PRR12: variants seen among roughly 807,000 people sequenced by gnomAD.
The protein encoded by PRR12 is proline rich 12.
A neutral mutation model predicts 138.0 loss-of-function variants in PRR12; 12 were observed. The ratio of observed to expected loss-of-function variants is 0.09; its 90% confidence interval spans 0.06 to 0.14. The LOEUF (loss-of-function observed/expected upper bound fraction) is 0.14, where lower values mean the gene tolerates loss of function less well. Ranked by LOEUF, PRR12 falls within the 10% of genes least tolerant of loss-of-function variation. PRR12 has a pLI of 1.00. For missense variants in PRR12, 2,692 were observed against 2,861.3 expected (o/e 0.94, Z 1.35); for synonymous variants, 1,567 against 1,291.7 (o/e 1.21, Z -4.57).
At chr19:49,619,701 C>T (rs1250125357) in intron 9 of PRR12, among the ~76,000 whole-genome samples, 4 of 150,142 alleles carry the variant, frequency 2.7e-5, no homozygotes, top group Non-Finnish European at 5.9e-5. Context: ...ACCACCATGC[C>T]CGGCTAATTT....
Position 49,625,722 on chromosome 19 carries a change from C to A in PRR12, c.*115C>A. 2 of 1,375,350 alleles carry A rather than the reference C, an allele frequency of 1.5e-6. No individual in the cohort carries two copies. Among genetic ancestry groups the A allele is most frequent in the African/African-American group, 1.4e-5 (1 of 69,190 alleles). 85.2% of individuals were successfully genotyped at this position (1,375,350 alleles called of 1,614,324 possible). A position where few individuals can be genotyped will look rare whatever the true frequency, so the allele number is the denominator to read the frequency against. On this transcript the variant is annotated 3_prime_UTR_variant, in exon 14 of 14. Transcript: ENST00000418929. The surrounding 1 kb of genome is among the most constrained non-coding windows in gnomAD (Gnocchi z 5.5). ...TCGCCGGGGAAAGGGGGTCATGGGTCAGGGTGTGTCTGTGCTGCCCCCTCC... is the reference window on the plus strand; with the variant it reads ...TCGCCGGGGAAAGGGGGTCATGGGTAAGGGTGTGTCTGTGCTGCCCCCTCC...
intron 4 of PRR12, among the ~76,000 whole-genome samples, chr19:49,598,412 G>A (rs1011680816): frequency 5.3e-5 from 8 of 152,080 alleles, no homozygotes; most frequent in Non-Finnish European, 1.0e-4. Flanking sequence ...GTTTATGGCC[G>A]CACCTTGGCA....
chr19:49,594,678 C>A lies in PRR12; in HGVS notation c.362-19C>A. 3 of 1,610,990 alleles carry A rather than the reference C, an allele frequency of 1.9e-6. No individual in the cohort carries two copies. Among genetic ancestry groups the A allele is most frequent in the African/African-American group, 1.3e-5 (1 of 75,006 alleles). On this transcript the variant is annotated intron_variant, in intron 3 of 13. Transcript: ENST00000418929. The surrounding 1 kb of genome is among the most constrained non-coding windows in gnomAD (Gnocchi z 5.6). ...CTGGCTCGCTGTTCTCTCTGACGCG[C>A]GGTCTTCCTCATCTCCAGCCATGCA...
At chr19:49,612,505 T>G (rs76274816) in intron 6 of PRR12, among the ~76,000 whole-genome samples, 2,715 of 151,998 alleles carry the variant, frequency 0.018, 83 homozygotes, top group African/African-American at 0.061. Context: ...AGTGGTTTGA[T>G]GGAAGGTACC....
At chr19:49,622,831 G>GC (rs2080930518) in intron 11 of PRR12, among the ~76,000 whole-genome samples, 1 of 148,832 alleles carries the variant, frequency 6.7e-6, no homozygotes, top group South Asian at 2.1e-4. Context: ...GGCGGAGCTT[G>GC]CAGTGAGGCG....
Position 49,614,610 on chromosome 19 carries a change from G to C in PRR12, c.4851G>C (p.Glu1617Asp). The change falls in exon 7 of 14, where the codon GAG (glutamate) becomes GAC (aspartate). Residue 1617 changes from glutamate to aspartate, a missense_variant. Physicochemically the swap from Glu to Asp is conservative, Grantham distance 45. This residue lies in a region of PRR12 where 92 missense variants were observed against 174.1 expected (regional missense o/e 0.53). Coordinates refer to ENST00000418929, the MANE Select transcript of PRR12 (RefSeq NM_020719.3). The surrounding 1 kb of genome is among the most constrained non-coding windows in gnomAD (Gnocchi z 5.0). ...QKALLQKFTP[E>D]IKDGQRQFCA... Reference sequence around the variant, plus strand: ...CCCTTCTGCAGAAATTCACTCCGGAGATCAAGGACGGCCAGAGGCAGTTTT... The same window carrying C: ...CCCTTCTGCAGAAATTCACTCCGGACATCAAGGACGGCCAGAGGCAGTTTT... The C allele has an allele frequency of 2.6e-6, 4 of 1,564,986 alleles. No homozygotes were observed. The highest frequency in any genetic ancestry group is 3.5e-6 in the Non-Finnish European group (4 of 1,154,924).
chr19:49,591,683 T>G lies in PRR12; in HGVS notation c.29T>G (p.Phe10Cys). Residue 10 changes from phenylalanine (F) to cysteine (C), a missense_variant, in exon 1 of 14, where the codon TTC (phenylalanine) becomes TGC (cysteine). By Grantham distance (205) the Phe-to-Cys change is radical. This residue lies in a region of PRR12 where 211 missense variants were observed against 266.3 expected (regional missense o/e 0.79). Coordinates refer to ENST00000418929, the MANE Select transcript of PRR12 (RefSeq NM_020719.3). Reference sequence around the variant, plus strand: ...GACAGGAACTACCCCAGCGCCGGCTTCGGGGACCCGCTCGGCGCCGGGGCG... The same window carrying G: ...GACAGGAACTACCCCAGCGCCGGCTGCGGGGACCCGCTCGGCGCCGGGGCG... MDRNYPSAG[F>C]GDPLGAGAGW... 1 of 1,287,586 alleles carries G rather than the reference T, an allele frequency of 7.8e-7. No homozygotes were observed. Among genetic ancestry groups the G allele is most frequent in the Non-Finnish European group, 1.0e-6 (1 of 993,722 alleles). 79.8% of individuals were successfully genotyped at this position (1,287,586 alleles called of 1,614,324 possible).
intron 9 of PRR12, among the ~76,000 whole-genome samples, chr19:49,617,211 G>T (rs568482906): frequency 5.9e-5 from 9 of 152,196 alleles, no homozygotes; most frequent in African/African-American, 2.2e-4. Flanking sequence ...TACAGTAAGG[G>T]TAACAGCTGA....
chr19:49,607,656 C>T (rs1301591261), intron 6 of PRR12, among the ~76,000 whole-genome samples: 2 of 150,558 alleles, frequency 1.3e-5, no homozygotes, highest in Non-Finnish European at 3.0e-5. Context: ...TGCAGTGAGC[C>T]GAGATCGTAG....
At position 49,624,999 on chromosome 19, in the gene PRR12, TG is replaced by T. The variant is rs1296734896; in HGVS notation, c.5868+13del. ...GCGTGGTCAGAGCCCAGGTGGGCAC[TG>T]GGGCTGGGGCTGGGAGTGGGGAGTG... On this transcript the variant is annotated intron_variant, in intron 12 of 13. Transcript: ENST00000418929. The T allele has an allele frequency of 1.2e-6, 2 of 1,603,356 alleles. No homozygotes were observed.
In PRR12 at chr19:49,594,565, C is replaced by T. The variant is rs1180490292; in HGVS notation, c.311C>T (p.Pro104Leu). ...GAATCCCGGGGCCCCCAGCCTGGCC[C>T]CTCCGCCTCCTCTCTCCTCTCCCAG... ...ALESRGPQPG[P>L]SASSLLSQFR... Residue 104 changes from proline to leucine, a missense_variant, in exon 3 of 14, where the codon CCC becomes CTC. Pro to Leu is a moderately conservative substitution (Grantham distance 98, BLOSUM62 -3). Coordinates refer to ENST00000418929, the MANE Select transcript of PRR12 (RefSeq NM_020719.3). This position sits in a 1 kb window ranked among gnomAD's most constrained non-coding sequence, Gnocchi z 5.6. The T allele has an allele frequency of 1.2e-6, 2 of 1,613,306 alleles. No individual in the cohort carries two copies. Among genetic ancestry groups the T allele is most frequent in the Non-Finnish European group, 1.7e-6 (2 of 1,179,812 alleles).
chr19:49,614,145 G>A lies in PRR12; in HGVS notation c.4774-388G>A, dbSNP rs2080879933. Among the ~76,000 whole-genome samples, 2 of 152,032 alleles carry A rather than the reference G, an allele frequency of 1.3e-5. No individual in the cohort carries two copies. Among genetic ancestry groups the A allele is most frequent in the Non-Finnish European group, 2.9e-5 (2 of 68,022 alleles). ...AAAGTAAAAAGAGAATTATGTGGGG[G>A]GACAGTCAGACCACAACAGGACGTC... On this transcript the variant is annotated intron_variant, in intron 6 of 13. Coordinates refer to ENST00000418929, the MANE Select transcript of PRR12 (RefSeq NM_020719.3). This position sits in a 1 kb window ranked among gnomAD's most constrained non-coding sequence, Gnocchi z 5.0.
Position 49,595,809 on chromosome 19 carries a change from G to A in PRR12, c.1474G>A (p.Ala492Thr). ...PPSGPPPPGL[A>T]TCQSYSPDQL... ...CAGCGGCCCCCCTCCTCCTGGCCTG[G>A]CCACATGTCAGAGCTACTCCCCGGA... Residue 492 changes from alanine (A) to threonine (T), a missense_variant, in exon 4 of 14, where the codon GCC becomes ACC. Ala to Thr is a moderately conservative substitution (Grantham distance 58). Coordinates refer to ENST00000418929, the MANE Select transcript of PRR12 (RefSeq NM_020719.3). The A allele has an allele frequency of 6.3e-7, 1 of 1,598,546 alleles. No homozygotes were observed.
chr19:49,616,230 AGGCAGCCTCAGGGCTGCAG>A lies in PRR12; in HGVS notation c.5497+14_5497+32del. The A allele has an allele frequency of 6.6e-7, 1 of 1,508,844 alleles. No individual in the cohort carries two copies. Among genetic ancestry groups the A allele is most frequent in the South Asian group, 1.3e-5 (1 of 76,432 alleles). 93.5% of individuals were successfully genotyped at this position (1,508,844 alleles called of 1,614,324 possible). A position where few individuals can be genotyped will look rare whatever the true frequency, so the allele number is the denominator to read the frequency against. On this transcript the variant is annotated intron_variant, in intron 9 of 13. Coordinates refer to ENST00000418929, the MANE Select transcript of PRR12 (RefSeq NM_020719.3). The surrounding 1 kb of genome is among the most constrained non-coding windows in gnomAD (Gnocchi z 4.2). ...CCCCCAGCGAGGACGGTGAGGCCCT[AGGCAGCCTCAGGGCTGCAG>A]GGGTGGGTGGGGAAGGGACACAGGT...
At position 49,595,142 on chromosome 19, in the gene PRR12, G is replaced by C. The variant is rs766447438; in HGVS notation, c.807G>C (p.Ser269=). The C allele has an allele frequency of 3.7e-6, 6 of 1,611,494 alleles. No homozygotes were observed. Among genetic ancestry groups the C allele is most frequent in the Admixed American group, 3.3e-5 (2 of 59,932 alleles). The change falls in exon 4 of 14, where the codon TCG becomes TCC. Residue 269 remains serine, a synonymous_variant. Transcript: ENST00000418929. The part of the protein sequence containing the change: ...EQSSPQLYNF[S]GAAPGPPPPE... ...CCTCCCCACAGCTCTATAACTTCTCGGGTGCTGCCCCGGGCCCACCGCCGC... is the reference window on the plus strand; with the variant it reads ...CCTCCCCACAGCTCTATAACTTCTCCGGTGCTGCCCCGGGCCCACCGCCGC...
Position 49,625,192 on chromosome 19 carries a change from C to A in PRR12, c.5956C>A (p.Arg1986=). 2 of 1,613,458 alleles carry A rather than the reference C, an allele frequency of 1.2e-6. No individual in the cohort carries two copies. The highest frequency in any genetic ancestry group is 2.2e-5 in the South Asian group (2 of 91,068). The change falls in exon 13 of 14, where the codon CGG becomes AGG. Residue 1986 remains arginine, a synonymous_variant. Transcript: ENST00000418929. The surrounding 1 kb of genome is among the most constrained non-coding windows in gnomAD (Gnocchi z 5.5). ...HYKYHTFLRC[R]DQTLAIEGGA... ...TAAATACCACACCTTCCTGCGCTGCCGGGACCAGGTGAGCCCCACCCACAG... is the reference window on the plus strand; with the variant it reads ...TAAATACCACACCTTCCTGCGCTGCAGGGACCAGGTGAGCCCCACCCACAG...
chr19:49,621,920 C>T (rs1250811434), intron 11 of PRR12, among the ~76,000 whole-genome samples: 3 of 152,170 alleles, frequency 2.0e-5, no homozygotes, highest in African/African-American at 4.8e-5. Context: ...GCACCCAAAG[C>T]GGGCACTGGA....
In PRR12 at chr19:49,594,705, A is replaced by G; in HGVS notation, c.370A>G (p.Thr124Ala). Residue 124 changes from threonine to alanine, a missense_variant, in exon 4 of 14, where the codon ACG becomes GCG. By Grantham distance (58) the Thr-to-Ala change is moderately conservative. Transcript: ENST00000418929. The surrounding 1 kb of genome is among the most constrained non-coding windows in gnomAD (Gnocchi z 5.6). ...GTCTTCCTCATCTCCAGCCATGCAC[A>G]CGCCAGGCCCCACGGAGCTCTTCAT... ...RSPSWQTAMH[T>A]PGPTELFISG... 1.2e-6 allele frequency: 2 copies of G among 1,609,330 alleles called. No homozygotes were observed. Among genetic ancestry groups the G allele is most frequent in the Non-Finnish European group, 1.7e-6 (2 of 1,178,884 alleles).
In PRR12 at chr19:49,597,281, C is replaced by A. The variant is rs1448459843; in HGVS notation, c.2946C>A (p.Pro982=). 2 of 1,563,948 alleles carry A rather than the reference C, an allele frequency of 1.3e-6. No homozygotes were observed. The highest frequency in any genetic ancestry group is 3.7e-5 in the Admixed American group (2 of 53,708). ...GDPKAGAGPP[P]GPPAYDPYGP... ...CCAAGGCTGGCGCTGGGCCACCCCC[C>A]GGCCCCCCTGCTTATGATCCCTATG... The change falls in exon 4 of 14, where the codon CCC becomes CCA. Residue 982 remains proline, a synonymous_variant. Transcript: ENST00000418929. This position sits in a 1 kb window ranked among gnomAD's most constrained non-coding sequence, Gnocchi z 6.3.
Sources: gnomAD v4.1 joint callset for allele counts (sites outside exome capture counted in the v4.1 genomes callset) on GRCh38, gnomAD v4.1.1 for gene constraint, gnomAD v4.1.1 regional missense constraint, Gnocchi (gnomAD v3.1) non-coding constraint, MANE v1.5 for transcripts, NCBI Gene and HGNC (gene_info 2026-07-23, HGNC 2026-07-21) for gene names.